Variants in MARCHF2 observed in about 807,000 individuals in gnomAD.
MARCHF2 encodes the protein E3 ubiquitin-protein ligase MARCHF2.
Under a neutral mutation model 24.0 loss-of-function variants are expected in MARCHF2, and 22 were observed. The observed-to-expected ratio is 0.92, with a 90% CI of 0.66 to 1.31. The LOEUF (loss-of-function observed/expected upper bound fraction) is 1.31, where lower values mean the gene tolerates loss of function less well. Among genes scored for constraint, MARCHF2 ranks in the 50% most tolerant of loss-of-function variants. The pLI is 0.00. For synonymous variants in MARCHF2, 154 were observed against 153.0 expected, an observed-to-expected ratio of 1.01 and a Z score of -0.05; for missense variants, 301 against 335.3, an observed-to-expected ratio of 0.90 and a Z score of 0.80.
In MARCHF2 at chr19:8,430,545, AAAAG is replaced by A. The variant is rs1195288518; in HGVS notation, c.373-106_373-103del. 3.3e-5 allele frequency: 27 copies of A among 810,178 alleles called. No individual in the cohort carries two copies. The highest frequency in any genetic ancestry group is 3.8e-4 in the Middle Eastern group (1 of 2,652). The allele number at this position is 810,178 out of a possible 1,614,324, so 50.2% of individuals were successfully genotyped here. A position where few individuals can be genotyped will look rare whatever the true frequency, so the allele number is the denominator to read the frequency against. On this transcript the variant is annotated intron_variant, in intron 3 of 4. Transcript: ENST00000215555. The surrounding 1 kb of genome is among the most constrained non-coding windows in gnomAD (Gnocchi z 4.4). ...GTGAGAATCTGTCTCAAAAAAAAAA[AAAAG>A]AAAGAAGGAAAGGACAGAGGGAGGC...
intron 2 of MARCHF2, among the ~76,000 whole-genome samples, chr19:8,424,633 C>G (rs1357207381): frequency 6.6e-6 from 1 of 151,872 alleles, no homozygotes; most frequent in Non-Finnish European, 1.5e-5. Flanking sequence ...CGCCACTGCA[C>G]TCCAGCCTGG....
intron 2 of MARCHF2, among the ~76,000 whole-genome samples, chr19:8,425,412 G>A (rs1315481966): frequency 1.3e-5 from 2 of 149,842 alleles, no homozygotes; most frequent in Non-Finnish European, 3.0e-5. Flanking sequence ...AAAAAAAAAA[G>A]AAAATTTTTT....
In MARCHF2 at chr19:8,416,008, G is replaced by A. The variant is rs527915364; in HGVS notation, c.-53+2588G>A. ...CCAGGATCGGAGGGTCAAGAGATGT[G>A]GCTCTCTCACGCTGTTCTTAAACGG... On this transcript the variant is annotated intron_variant, in intron 1 of 4. Coordinates refer to ENST00000215555, the MANE Select transcript of MARCHF2 (RefSeq NM_001005415.2). 3.3e-3 allele frequency among the ~76,000 whole-genome samples: 495 copies of A among 152,072 alleles called. 6 individuals carry two copies. The highest frequency in any genetic ancestry group is 0.015 in the South Asian group (70 of 4,818).
At chr19:8,434,129 G>A (rs796370257) in intron 4 of MARCHF2, among the ~76,000 whole-genome samples, 6 of 139,458 alleles carry the variant, frequency 4.3e-5, no homozygotes, top group African/African-American at 1.6e-4. Flanking sequence ...CTGTCACCCA[G>A]GCTAGAGTGC....
At chr19:8,431,819 C>T (rs1313800753) in intron 4 of MARCHF2, among the ~76,000 whole-genome samples, 2 of 151,854 alleles carry the variant, frequency 1.3e-5, no homozygotes, top group Non-Finnish European at 2.9e-5. Flanking sequence ...GCCTGGGCGA[C>T]AAGAGCAAAA....
chr19:8,429,223 A>G (rs1967506843), intron 3 of MARCHF2, among the ~76,000 whole-genome samples: 1 of 151,932 alleles, frequency 6.6e-6, no homozygotes. Context: ...CTCCTTGGCA[A>G]GGCCTTGCCC....
chr19:8,416,877 T>C (rs913835837), intron 1 of MARCHF2, among the ~76,000 whole-genome samples: 6 of 152,090 alleles, frequency 3.9e-5, no homozygotes, highest in Non-Finnish European at 8.8e-5. Context: ...CAGACAGCAT[T>C]GTCGAGAAGG....
chr19:8,428,333 T>C (rs1967469181), intron 3 of MARCHF2, among the ~76,000 whole-genome samples: 1 of 148,552 alleles, frequency 6.7e-6, no homozygotes, highest in South Asian at 2.1e-4. Flanking sequence ...GGCAGGAGAC[T>C]GGCTTGAACC....
intron 4 of MARCHF2, among the ~76,000 whole-genome samples, chr19:8,433,689 AAAAAG>A (rs1329731019): frequency 5.6e-4 from 85 of 151,140 alleles, no homozygotes; most frequent in African/African-American, 2.0e-3. Flanking sequence ...AAAAAAAAAA[AAAAAG>A]AAAAGAAAAG....
chr19:8,436,307 G>C lies in MARCHF2; in HGVS notation c.583-2081G>C, dbSNP rs10402803. On this transcript the variant is annotated intron_variant, in intron 4 of 4. Coordinates refer to ENST00000215555, the MANE Select transcript of MARCHF2 (RefSeq NM_001005415.2). ...GTGCCACCACGCCCAGCTAATTTTTGTATTCTTATTGGAGATGGGGTTTCA... is the reference window on the plus strand; with the variant it reads ...GTGCCACCACGCCCAGCTAATTTTTCTATTCTTATTGGAGATGGGGTTTCA... Among the ~76,000 whole-genome samples, 665 of 151,826 alleles carry C rather than the reference G, an allele frequency of 4.4e-3. 4 individuals carry two copies. Among genetic ancestry groups the C allele is most frequent in the African/African-American group, 0.016 (643 of 41,404 alleles).
chr19:8,436,009 C>T (rs549632923), intron 4 of MARCHF2, among the ~76,000 whole-genome samples: 1 of 152,240 alleles, frequency 6.6e-6, no homozygotes, highest in South Asian at 2.1e-4. Flanking sequence ...CAGATGTGTG[C>T]ACCACGCCTG....
At chr19:8,427,640 A>C (rs1967443972) in intron 3 of MARCHF2, 2 of 152,140 alleles carry the variant, frequency 1.3e-5, no homozygotes, top group African/African-American at 4.8e-5. Context: ...AAAGGAGGTG[A>C]ACCCCCCAGC....
Position 8,424,353 on chromosome 19 carries a change from C to T in MARCHF2, c.177-2256C>T, listed in dbSNP as rs577408197. Among the ~76,000 whole-genome samples, 170 of 151,904 alleles carry T rather than the reference C, an allele frequency of 1.1e-3. 1 individual carries two copies. The highest frequency in any genetic ancestry group is 2.0e-3 in the Non-Finnish European group (133 of 68,002). Reference sequence around the variant, plus strand: ...TCAGGTGTGATTAGATCCAGGGGCCCGCAAAGATGTCCTTAAGAATCTACC... The same window carrying T: ...TCAGGTGTGATTAGATCCAGGGGCCTGCAAAGATGTCCTTAAGAATCTACC... On this transcript the variant is annotated intron_variant, in intron 2 of 4. Coordinates refer to ENST00000215555, the MANE Select transcript of MARCHF2 (RefSeq NM_001005415.2).
chr19:8,414,412 GC>G (rs1040643862), intron 1 of MARCHF2, among the ~76,000 whole-genome samples: 17 of 152,024 alleles, frequency 1.1e-4, no homozygotes, highest in African/African-American at 3.9e-4. Context: ...GGGATTACAG[GC>G]CCCCGCCACC....
Position 8,426,642 on chromosome 19 carries a change from A to G in MARCHF2, c.210A>G (p.Gly70=). Residue 70 remains glycine, a synonymous_variant, in exon 3 of 5, where the codon GGA becomes GGG. Coordinates refer to ENST00000215555, the MANE Select transcript of MARCHF2 (RefSeq NM_001005415.2). ...CTTTCTGCCGGATCTGCCATGAGGG[A>G]GCGAACGGGGAGTGCTTGCTGTCCC... ...DGPFCRICHE[G]ANGECLLSPC... is the part of the protein sequence containing the mutation. 2 of 1,613,944 alleles carry G rather than the reference A, an allele frequency of 1.2e-6. No homozygotes were observed. The highest frequency in any genetic ancestry group is 1.7e-6 in the Non-Finnish European group (2 of 1,179,978).
chr19:8,416,119 G>A (rs62117522), intron 1 of MARCHF2, among the ~76,000 whole-genome samples: 4,844 of 152,040 alleles, frequency 0.032, 73 homozygotes, highest in South Asian at 0.056. Flanking sequence ...TGAGGTGGGC[G>A]GATCACGAGG....
rs1457663722 is a variant in MARCHF2, at chr19:8,430,256, G to A, written c.373-402G>A. 2.0e-5 allele frequency among the ~76,000 whole-genome samples: 3 copies of A among 151,174 alleles called. No individual in the cohort carries two copies. The highest frequency in any genetic ancestry group is 4.9e-5 in the African/African-American group (2 of 41,172). On this transcript the variant is annotated intron_variant, in intron 3 of 4. Coordinates refer to ENST00000215555, the MANE Select transcript of MARCHF2 (RefSeq NM_001005415.2). The surrounding 1 kb of genome is among the most constrained non-coding windows in gnomAD (Gnocchi z 4.4). ...CGCTTGCCTATAATCCCAGCTACTC[G>A]GGAGGCTGAGGTGGGAGAATCGCTT... is the stretch of plus-strand genomic sequence containing the variant.
chr19:8,420,161 AAAT>A, intron 1 of MARCHF2, among the ~76,000 whole-genome samples: 1 of 14,432 alleles, frequency 6.9e-5, no homozygotes, highest in East Asian at 6.2e-4. Context: ...CCGTCTCAAA[AAAT>A]AAATAAATAA....
intron 2 of MARCHF2, among the ~76,000 whole-genome samples, chr19:8,424,237 A>G (rs1471881123): frequency 2.0e-5 from 3 of 152,100 alleles, no homozygotes; most frequent in Admixed American, 1.3e-4. Flanking sequence ...CTTTCTGCAG[A>G]TGCTTTTTAT....
Sources: allele counts gnomAD v4.1 joint callset (sites outside exome capture counted in the v4.1 genomes callset), GRCh38; gene constraint gnomAD v4.1.1; non-coding constraint Gnocchi (gnomAD v3.1); transcripts MANE v1.5; gene names NCBI Gene and HGNC (gene_info 2026-07-23, HGNC 2026-07-21).